The following UBE2E1 variants were observed in gnomAD, a reference collection of about 807,000 sequenced individuals.
UBE2E1 encodes the protein ubiquitin conjugating enzyme E2 E1.
UBE2E1 carries 6 observed loss-of-function variants against 21.4 expected under a neutral mutation model. The ratio of observed to expected loss-of-function variants is 0.28; its 90% CI spans 0.15 to 0.55. The LOEUF (loss-of-function observed/expected upper bound fraction) is 0.55, where lower values mean the gene tolerates loss of function less well. UBE2E1 is among the 20% of genes least tolerant of loss of function. UBE2E1 has a pLI of 0.93. For missense variants in UBE2E1, 142 were observed against 236.5 expected (o/e 0.60, Z 2.62); for synonymous variants, 87 against 82.7 (o/e 1.05, Z -0.28).
At chr3:23,878,324 C>A (rs184579917) in intron 3 of UBE2E1, among the ~76,000 whole-genome samples, 1 of 152,216 alleles carries the variant, frequency 6.6e-6, no homozygotes, top group Non-Finnish European at 1.5e-5. Context: ...CCAGAGAAAA[C>A]CTACTCCCCA....
rs1701215999 is a variant in UBE2E1 at position 23,887,512 on chromosome 3, T to C, written c.204-55T>C. 1 of 1,566,732 alleles carries C rather than the reference T, an allele frequency of 6.4e-7. No individual in the cohort carries two copies. Among genetic ancestry groups the C allele is most frequent in the Non-Finnish European group, 8.6e-7 (1 of 1,161,930 alleles). On this transcript the variant is annotated intron_variant, in intron 3 of 5. Transcript: ENST00000306627. This position sits in a 1 kb window ranked among gnomAD's most constrained non-coding sequence, Gnocchi z 4.4. ...AATCTTTCCATCTCTTTTAATACAC[T>C]GTAAAAATTGGGATAGTGCCACCAT...
At chr3:23,850,511 C>CTT (rs35928225) in intron 3 of UBE2E1, among the ~76,000 whole-genome samples, 112,636 of 150,804 alleles carry the variant, frequency 0.75, 42,591 homozygotes, top group African/African-American at 0.83. Flanking sequence ...ATCTACTCCT[C>CTT]TTTATTATTA....
At chr3:23,858,607 A>C (rs1700488449) in intron 3 of UBE2E1, among the ~76,000 whole-genome samples, 2 of 152,216 alleles carry the variant, frequency 1.3e-5, no homozygotes, top group Non-Finnish European at 2.9e-5. Flanking sequence ...GGAGTGACCC[A>C]CTGCGCCCGG....
Position 23,853,258 on chromosome 3 carries a change from T to A in UBE2E1, c.204-34309T>A, listed in dbSNP as rs1049128309. 6.6e-6 allele frequency among the ~76,000 whole-genome samples: 1 copy of A among 152,164 alleles called. No individual in the cohort carries two copies. ...CTTCCAGTAAAATATTGAATAGAAG[T>A]AGTAAGGGTATCAAGTTCTTTTGCT... On this transcript the variant is annotated intron_variant, in intron 3 of 5. Transcript: ENST00000306627. The surrounding 1 kb of genome is among the most constrained non-coding windows in gnomAD (Gnocchi z 4.1).
intron 3 of UBE2E1, among the ~76,000 whole-genome samples, chr3:23,860,534 G>GAT (rs1258923350): frequency 6.6e-6 from 1 of 152,176 alleles, no homozygotes; most frequent in Non-Finnish European, 1.5e-5. Flanking sequence ...AGTTTATCTT[G>GAT]ATACTATCTT....
chr3:23,839,939 T>C (rs920558467), intron 3 of UBE2E1, among the ~76,000 whole-genome samples: 1 of 152,168 alleles, frequency 6.6e-6, no homozygotes, highest in Admixed American at 6.5e-5. Context: ...TTTCTTGTGC[T>C]TGGTGTTTGT....
chr3:23,872,737 G>A (rs929366413), intron 3 of UBE2E1, among the ~76,000 whole-genome samples: 1 of 152,174 alleles, frequency 6.6e-6, no homozygotes, highest in Non-Finnish European at 1.5e-5. Flanking sequence ...AAACAGCCTA[G>A]GCTGGGCGCA....
rs6804182 is a variant in UBE2E1 at position 23,813,065 on chromosome 3, A to G, written c.203+1555A>G. ...AACTGAGTTTATGTGTGAAAGATTT[A>G]TGCTCCTGAGGCATGTGGAACTTTT... On this transcript the variant is annotated intron_variant, in intron 3 of 5. Transcript: ENST00000306627. 1.2e-3 allele frequency among the ~76,000 whole-genome samples: 183 copies of G among 151,816 alleles called. 1 individual carries two copies. The highest frequency in any genetic ancestry group is 3.4e-3 in the African/African-American group (143 of 41,458).
At chr3:23,839,577 A>G (rs1700042627) in intron 3 of UBE2E1, among the ~76,000 whole-genome samples, 1 of 152,086 alleles carries the variant, frequency 6.6e-6, no homozygotes, top group South Asian at 2.1e-4. Flanking sequence ...ATATTCACTC[A>G]CTGACATCTC....
At chr3:23,878,710 T>C (rs2125324962) in intron 3 of UBE2E1, among the ~76,000 whole-genome samples, 1 of 152,288 alleles carries the variant, frequency 6.6e-6, no homozygotes, top group South Asian at 2.1e-4. Flanking sequence ...CTTATGAGAA[T>C]CTAATGCCTG....
intron 3 of UBE2E1, among the ~76,000 whole-genome samples, chr3:23,855,165 G>T (rs1700407509): frequency 6.6e-6 from 1 of 152,216 alleles, no homozygotes; most frequent in African/African-American, 2.4e-5. Context: ...TTGGGTTTAA[G>T]TAGGTAGATC....
intron 3 of UBE2E1, among the ~76,000 whole-genome samples, chr3:23,812,600 G>A (rs1699423669): frequency 6.6e-6 from 1 of 152,196 alleles, no homozygotes; most frequent in African/African-American, 2.4e-5. Flanking sequence ...ACTTTGTCCT[G>A]TTTTGTAAGG....
chr3:23,889,587 C>G (rs547906374), intron 5 of UBE2E1: 1 of 985,282 alleles, frequency 1.0e-6, no homozygotes, highest in South Asian at 4.7e-5. Context: ...TCAGACACTT[C>G]TAAATGTCGA....
intron 3 of UBE2E1, among the ~76,000 whole-genome samples, chr3:23,811,994 C>T (rs1699403897): frequency 6.6e-6 from 1 of 152,146 alleles, no homozygotes; most frequent in South Asian, 2.1e-4. Context: ...ATTCAGGAAA[C>T]AATTTCTGGC....
chr3:23,848,029 C>CT (rs1443488394), intron 3 of UBE2E1, among the ~76,000 whole-genome samples: 1 of 152,136 alleles, frequency 6.6e-6, no homozygotes, highest in Non-Finnish European at 1.5e-5. Context: ...GCTGTAAACA[C>CT]TGTTCTGTAC....
At chr3:23,838,274 C>G (rs1449419418) in intron 3 of UBE2E1, among the ~76,000 whole-genome samples, 1 of 151,886 alleles carries the variant, frequency 6.6e-6, no homozygotes, top group Non-Finnish European at 1.5e-5. Context: ...GCCATGTTGC[C>G]CAAGCTAGTC....
intron 3 of UBE2E1, among the ~76,000 whole-genome samples, chr3:23,885,856 G>A (rs574765412): frequency 1.8e-4 from 27 of 151,322 alleles, no homozygotes; most frequent in Non-Finnish European, 2.9e-4. Context: ...GCAAAACTCC[G>A]CCTTAAAAAA....
intron 3 of UBE2E1, among the ~76,000 whole-genome samples, chr3:23,857,274 G>A (rs1312570969): frequency 3.9e-5 from 6 of 151,958 alleles, no homozygotes; most frequent in Non-Finnish European, 8.8e-5. Flanking sequence ...GCATAGGAAA[G>A]TTTGAACTTT....
At chr3:23,822,875 C>G (rs1329870542) in intron 3 of UBE2E1, among the ~76,000 whole-genome samples, 2 of 142,000 alleles carry the variant, frequency 1.4e-5, no homozygotes, top group Non-Finnish European at 3.0e-5. Flanking sequence ...GAGACGGAGC[C>G]TTGCTCTGTC....
Sources: allele counts gnomAD v4.1 joint callset (sites outside exome capture counted in the v4.1 genomes callset), GRCh38; gene constraint gnomAD v4.1.1; non-coding constraint Gnocchi (gnomAD v3.1); transcripts MANE v1.5; gene names NCBI Gene and HGNC (gene_info 2026-07-23, HGNC 2026-07-21).